KLHL29: variants seen among roughly 807,000 people sequenced by gnomAD.
KLHL29 encodes the protein kelch-like protein 29.
KLHL29 carries 21 observed loss-of-function variants against 80.4 expected under a neutral mutation model. That is an observed-to-expected ratio of 0.26 (90% CI 0.19 to 0.38). The LOEUF (loss-of-function observed/expected upper bound fraction) is 0.38. Among genes scored for constraint, KLHL29 ranks in the 10% least tolerant of loss-of-function variants. KLHL29 has a pLI of 1.00. For missense variants in KLHL29, 867 were observed against 1,223.9 expected (o/e 0.71, Z 4.35); for synonymous variants, 511 against 526.8 (o/e 0.97, Z 0.41).
chr2:23,597,343 G>GTA (rs1558402716), intron 3 of KLHL29, among the ~76,000 whole-genome samples: 10 of 134,414 alleles, frequency 7.4e-5, no homozygotes, highest in Admixed American at 1.6e-4. Context: ...GTGTGTGTGT[G>GTA]TGTATGTATA....
chr2:23,594,227 C>T (rs1478128637), intron 3 of KLHL29, among the ~76,000 whole-genome samples: 3 of 152,070 alleles, frequency 2.0e-5, no homozygotes, highest in Admixed American at 6.5e-5. Flanking sequence ...TCCGGGGAGT[C>T]GCTGGCTTCA....
At chr2:23,521,001 C>CG (rs987695244) in intron 2 of KLHL29, among the ~76,000 whole-genome samples, 17 of 151,964 alleles carry the variant, frequency 1.1e-4, no homozygotes, top group Non-Finnish European at 8.8e-5. Flanking sequence ...CACCCCCCCC[C>CG]CCGCTCCCCC....
intron 4 of KLHL29, among the ~76,000 whole-genome samples, chr2:23,640,635 G>C (rs141678918): frequency 6.6e-6 from 1 of 152,308 alleles, no homozygotes; most frequent in East Asian, 1.9e-4. Flanking sequence ...ACTTATGTTT[G>C]TTGGCTTCCA....
chr2:23,411,617 G>A (rs749944178), intron 1 of KLHL29, among the ~76,000 whole-genome samples: 3 of 152,018 alleles, frequency 2.0e-5, no homozygotes, highest in Non-Finnish European at 2.9e-5. Context: ...ATCCATTCCC[G>A]CTGTCGGGAG....
chr2:23,614,776 G>A (rs116347609), intron 3 of KLHL29, among the ~76,000 whole-genome samples: 1 of 152,162 alleles, frequency 6.6e-6, no homozygotes, highest in Admixed American at 6.5e-5. Flanking sequence ...GCTGATCGCT[G>A]AGGGAGGAAC....
intron 1 of KLHL29, among the ~76,000 whole-genome samples, chr2:23,411,085 C>T (rs1397586816): frequency 6.6e-6 from 1 of 152,182 alleles, no homozygotes; most frequent in African/African-American, 2.4e-5. Context: ...AGCACCTGCT[C>T]TGTGCCAGGC....
At chr2:23,486,048 C>T (rs571784115) in intron 2 of KLHL29, among the ~76,000 whole-genome samples, 2 of 152,294 alleles carry the variant, frequency 1.3e-5, no homozygotes, top group East Asian at 3.9e-4. Context: ...AGTCATCCTG[C>T]AGCCTTCGCT....
At chr2:23,655,194 A>C (rs1247415965) in intron 5 of KLHL29, among the ~76,000 whole-genome samples, 3 of 152,208 alleles carry the variant, frequency 2.0e-5, no homozygotes, top group African/African-American at 7.2e-5. Flanking sequence ...CACCAAAGCC[A>C]CTGGAGCTTG....
At chr2:23,445,847 G>T (rs1390520150) in intron 1 of KLHL29, among the ~76,000 whole-genome samples, 1 of 152,056 alleles carries the variant, frequency 6.6e-6, no homozygotes, top group Non-Finnish European at 1.5e-5. Flanking sequence ...TATGAGTAAG[G>T]TTACACATTT....
intron 2 of KLHL29, chr2:23,532,619 T>C (rs1477276316): frequency 4.4e-6 from 2 of 456,632 alleles, no homozygotes; most frequent in African/African-American, 4.0e-5. Flanking sequence ...AGTGACAAGA[T>C]TGTAAGATTA....
At chr2:23,464,570 T>C (rs2103430509) in intron 1 of KLHL29, among the ~76,000 whole-genome samples, 2 of 152,276 alleles carry the variant, frequency 1.3e-5, no homozygotes, top group African/African-American at 4.8e-5. Flanking sequence ...GAACCACTGT[T>C]CAAACAGAAC....
At chr2:23,418,927 C>T (rs1662692126) in intron 1 of KLHL29, among the ~76,000 whole-genome samples, 1 of 152,144 alleles carries the variant, frequency 6.6e-6, no homozygotes, top group African/African-American at 2.4e-5. Flanking sequence ...ACATGAGTTC[C>T]ACAAGGTGCC....
intron 5 of KLHL29, among the ~76,000 whole-genome samples, chr2:23,645,686 T>A (rs73919796): frequency 0.059 from 8,918 of 152,268 alleles, 291 homozygotes; most frequent in African/African-American, 0.09. Flanking sequence ...GCCACTGGTA[T>A]TTTTAGACTT....
intron 3 of KLHL29, among the ~76,000 whole-genome samples, chr2:23,636,925 C>G (rs1014512387): frequency 6.6e-6 from 1 of 152,134 alleles, no homozygotes; most frequent in African/African-American, 2.4e-5. Context: ...TTTCCAGAAG[C>G]TTCCCTACCC....
At chr2:23,415,086 C>T (rs1280832133) in intron 1 of KLHL29, among the ~76,000 whole-genome samples, 1 of 152,234 alleles carries the variant, frequency 6.6e-6, no homozygotes, top group Non-Finnish European at 1.5e-5. Flanking sequence ...TGGTCCAGAA[C>T]AGCACCACCA....
At chr2:23,430,694 A>G (rs1482056905) in intron 1 of KLHL29, among the ~76,000 whole-genome samples, 1 of 152,162 alleles carries the variant, frequency 6.6e-6, no homozygotes, top group East Asian at 1.9e-4. Flanking sequence ...CTCAGCCCAC[A>G]GGATCTCTTC....
rs531232143 is a variant in KLHL29 at position 23,433,627 on chromosome 2, A to G, written c.-153-41933A>G. ...AGCAATGATGGTGTCTTGACAAAAA[A>G]TGAGCGCTGGGCAGGGTGGCTTACA... On this transcript the variant is annotated intron_variant, in intron 1 of 13. Coordinates refer to ENST00000486442, the MANE Select transcript of KLHL29 (RefSeq NM_052920.2). Among the ~76,000 whole-genome samples the G allele has an allele frequency of 1.2e-3, 177 of 152,350 alleles. 3 individuals carry two copies. Among genetic ancestry groups the G allele is most frequent in the Admixed American group, 2.0e-3 (31 of 15,304 alleles).
At chr2:23,498,149 C>G (rs1665324990) in intron 2 of KLHL29, among the ~76,000 whole-genome samples, 1 of 152,146 alleles carries the variant, frequency 6.6e-6, no homozygotes, top group Non-Finnish European at 1.5e-5. Context: ...ATAATATTAT[C>G]CTATACACTG....
intron 3 of KLHL29, among the ~76,000 whole-genome samples, chr2:23,636,561 C>T (rs1669614505): frequency 6.6e-6 from 1 of 152,188 alleles, no homozygotes; most frequent in African/African-American, 2.4e-5. Flanking sequence ...ACCCGGGATA[C>T]CCCAGCTTCT....
Sources: gnomAD v4.1 joint callset for allele counts (sites outside exome capture counted in the v4.1 genomes callset) on GRCh38, gnomAD v4.1.1 for gene constraint, MANE v1.5 for transcripts, NCBI Gene and HGNC (gene_info 2026-07-23, HGNC 2026-07-21) for gene names.